Variants in ROBO2 observed in about 807,000 individuals in gnomAD.
ROBO2 encodes roundabout guidance receptor 2.
In ROBO2, 53 loss-of-function variants were observed where a neutral mutation model predicts 160.8. The observed-to-expected ratio is 0.33, with a 90% CI of 0.26 to 0.41. ROBO2 has a LOEUF of 0.41. Ranked by LOEUF, ROBO2 falls within the 10% of genes least tolerant of loss-of-function variation. The pLI is 1.00. For missense variants in ROBO2, 1,577 were observed against 1,722.4 expected, an observed-to-expected ratio of 0.92 and a Z score of 1.49; for synonymous variants, 664 against 611.7, an observed-to-expected ratio of 1.09 and a Z score of -1.26.
chr3:76,635,016 A>G (rs1241243011), intron 2 of ROBO2, among the ~76,000 whole-genome samples: 3 of 152,208 alleles, frequency 2.0e-5, no homozygotes, highest in Admixed American at 2.0e-4. Flanking sequence ...GAACAGTTTC[A>G]TCCTGAAACC....
At chr3:76,292,589 G>C (rs935000586) in intron 2 of ROBO2, among the ~76,000 whole-genome samples, 20 of 152,192 alleles carry the variant, frequency 1.3e-4, no homozygotes, top group African/African-American at 4.8e-4. Context: ...TGGGGAAAAT[G>C]TGCTTCATCC....
At chr3:76,251,390 G>A (rs1340611521) in intron 2 of ROBO2, among the ~76,000 whole-genome samples, 1 of 152,036 alleles carries the variant, frequency 6.6e-6, no homozygotes, top group Admixed American at 6.6e-5. Flanking sequence ...ATCTAGGCAG[G>A]AAGAGGAGAA....
At chr3:76,042,786 G>A (rs1268612106) in intron 2 of ROBO2, among the ~76,000 whole-genome samples, 1 of 151,988 alleles carries the variant, frequency 6.6e-6, no homozygotes, top group Non-Finnish European at 1.5e-5. Context: ...GAAACTCCCT[G>A]CTCTGTTCTG....
chr3:76,123,260 T>C (rs1183183559), intron 2 of ROBO2, among the ~76,000 whole-genome samples: 1 of 152,174 alleles, frequency 6.6e-6, no homozygotes, highest in Admixed American at 6.5e-5. Flanking sequence ...GCATTTTCCG[T>C]GTATTTTTCC....
chr3:76,408,150 G>A (rs13089320), intron 2 of ROBO2, among the ~76,000 whole-genome samples: 52,907 of 151,750 alleles, frequency 0.35, 10,537 homozygotes, highest in South Asian at 0.45. Context: ...CCATCAAAAC[G>A]CTTAGTCAAT....
chr3:77,247,429 CT>C (rs2089854655), intron 2 of ROBO2, among the ~76,000 whole-genome samples: 1 of 152,070 alleles, frequency 6.6e-6, no homozygotes, highest in South Asian at 2.1e-4. Context: ...AGTCTGAGTG[CT>C]TTAAAAAAAG....
intron 14 of ROBO2, among the ~76,000 whole-genome samples, chr3:77,576,755 A>G (rs1047799233): frequency 2.6e-5 from 4 of 152,126 alleles, no homozygotes; most frequent in Non-Finnish European, 5.9e-5. Flanking sequence ...TTTCATTTTT[A>G]TCATCAGAGT....
At chr3:76,654,307 T>G (rs2091391448) in intron 2 of ROBO2, among the ~76,000 whole-genome samples, 1 of 152,186 alleles carries the variant, frequency 6.6e-6, no homozygotes, top group African/African-American at 2.4e-5. Flanking sequence ...ATTATTTTCT[T>G]GGCAGAGTAT....
intron 2 of ROBO2, among the ~76,000 whole-genome samples, chr3:76,942,935 G>T (rs563555384): frequency 2.9e-4 from 44 of 152,170 alleles, no homozygotes; most frequent in African/African-American, 9.1e-4. Flanking sequence ...ACTGTGGCTA[G>T]AGGTCATACT....
chr3:76,036,205 A>G lies in ROBO2; in HGVS notation c.109+98603A>G, dbSNP rs1055292790. ...CACTCTGTCGCCCAGGCTGGAGTGC[A>G]GTGGAGTGATCTCAGCTCACTGCAA... On this transcript the variant is annotated intron_variant, in intron 2 of 26. Coordinates refer to the ROBO2 transcript ENST00000487694. Among the ~76,000 whole-genome samples, 55 of 151,982 alleles carry G rather than the reference A, an allele frequency of 3.6e-4. 1 individual carries two copies. Among genetic ancestry groups the G allele is most frequent in the Admixed American group, 3.5e-3 (54 of 15,276 alleles).
intron 2 of ROBO2, among the ~76,000 whole-genome samples, chr3:77,196,861 G>T (rs1220592702): frequency 6.6e-6 from 1 of 151,354 alleles, no homozygotes; most frequent in African/African-American, 2.4e-5. Flanking sequence ...GATTAGACTC[G>T]TTCAATGGAA....
intron 2 of ROBO2, among the ~76,000 whole-genome samples, chr3:77,191,509 G>A (rs2081849784): frequency 6.6e-6 from 1 of 152,098 alleles, no homozygotes; most frequent in Non-Finnish European, 1.5e-5. Context: ...ATACCATCTT[G>A]CTTTTGGCAT....
rs189810397 is a variant in ROBO2 at position 76,335,892 on chromosome 3, A to G, written c.109+398290A>G. Among the ~76,000 whole-genome samples, 98 of 152,248 alleles carry G rather than the reference A, an allele frequency of 6.4e-4. 2 individuals carry two copies. The East Asian group carries it at 0.019, about 29-fold the overall frequency. On this transcript the variant is annotated intron_variant, in intron 2 of 26. Transcript: ENST00000487694. Reference sequence around the variant, plus strand: ...CGCCCGGCCTAAAGCCATAACTTTTAATGACTGCATTCTGCTCCATTTTAT... The same window carrying G: ...CGCCCGGCCTAAAGCCATAACTTTTGATGACTGCATTCTGCTCCATTTTAT...
At chr3:77,121,947 G>T (rs2074815877) in intron 2 of ROBO2, among the ~76,000 whole-genome samples, 1 of 152,022 alleles carries the variant, frequency 6.6e-6, no homozygotes, top group Admixed American at 6.6e-5. Flanking sequence ...GAAATTTAAT[G>T]GCAGGGTAGA....
intron 2 of ROBO2, among the ~76,000 whole-genome samples, chr3:76,204,796 G>A (rs988511253): frequency 2.0e-5 from 3 of 152,076 alleles, no homozygotes; most frequent in African/African-American, 4.8e-5. Context: ...ATCACATGTG[G>A]GTGGGAGCAT....
In ROBO2 at chr3:77,075,672, CTTTT is replaced by C. The variant is rs1174587812; in HGVS notation, c.62-22322_62-22319del. On this transcript the variant is annotated intron_variant, in intron 1 of 25. Transcript: ENST00000461745. ...ATACACTACTATTTCTTTCTTTCTC[CTTTT>C]TTTTTTTTTTTTTTTTTTTGAGATG... Among the ~76,000 whole-genome samples the C allele has an allele frequency of 1.0e-4, 9 of 87,252 alleles. No individual in the cohort carries two copies. In the Admixed American group the frequency reaches 1.0e-3, roughly 10 times the overall value. The allele number at this position is 87,252 out of a possible 152,430, so 57.2% of individuals were successfully genotyped here. A position where few individuals can be genotyped will look rare whatever the true frequency, so the allele number is the denominator to read the frequency against.
chr3:76,521,282 C>A (rs1053035715), intron 2 of ROBO2, among the ~76,000 whole-genome samples: 1 of 152,036 alleles, frequency 6.6e-6, no homozygotes, highest in African/African-American at 2.4e-5. Context: ...CTCCTAGACC[C>A]AAGTGATCCG....
At chr3:77,276,379 A>G in intron 2 of ROBO2, among the ~76,000 whole-genome samples, 1 of 152,198 alleles carries the variant, frequency 6.6e-6, no homozygotes, top group Non-Finnish European at 1.5e-5. Flanking sequence ...CTGTTTATAT[A>G]CTGTATTTGT....
chr3:76,278,933 A>C (rs1708083727), intron 2 of ROBO2, among the ~76,000 whole-genome samples: 1 of 151,892 alleles, frequency 6.6e-6, no homozygotes, highest in African/African-American at 2.4e-5. Context: ...AATGCCTGAG[A>C]GATAAAGGTG....
Sources: gnomAD v4.1 joint callset for allele counts (sites outside exome capture counted in the v4.1 genomes callset) on GRCh38, gnomAD v4.1.1 for gene constraint, MANE v1.5 for transcripts, NCBI Gene and HGNC (gene_info 2026-07-23, HGNC 2026-07-21) for gene names.